DCLRE1A: variants seen among roughly 807,000 people sequenced by gnomAD.
DCLRE1A encodes DNA cross-link repair 1A.
DCLRE1A carries 64 observed loss-of-function variants against 91.9 expected under a neutral mutation model. That is an observed-to-expected ratio of 0.70 (90% CI 0.57 to 0.86). DCLRE1A has a LOEUF of 0.86. DCLRE1A is among the 40% of genes least tolerant of loss of function. The probability of loss-of-function intolerance (pLI) is 0.00; values close to 1 mark genes in which losing one functional copy is unlikely to be tolerated. For missense variants in DCLRE1A, 1,145 were observed against 1,213.3 expected (o/e 0.94, Z 0.84); for synonymous variants, 416 against 431.1 (o/e 0.96, Z 0.43).
At chr10:113,838,289 A>G (rs1360462952) in intron 7 of DCLRE1A, among the ~76,000 whole-genome samples, 1 of 152,228 alleles carries the variant, frequency 6.6e-6, no homozygotes, top group African/African-American at 2.4e-5. Flanking sequence ...CCTCACAAAG[A>G]AAGAAAATAA....
In DCLRE1A at chr10:113,849,545, A is replaced by C; in HGVS notation, c.1560T>G (p.Ile520Met). The C allele has an allele frequency of 6.2e-7, 1 of 1,613,748 alleles. No homozygotes were observed. Among genetic ancestry groups the C allele is most frequent in the South Asian group, 1.1e-5 (1 of 91,076 alleles). The change falls in exon 2 of 9, where the codon ATT becomes ATG. Residue 520 changes from isoleucine to methionine, a missense_variant. Physicochemically the swap from Ile to Met is conservative, Grantham distance 10 (BLOSUM62 1). Coordinates refer to ENST00000361384, the MANE Select transcript of DCLRE1A (RefSeq NM_014881.5). ...LEGVPVGKAT[I>M]LNTENLSSTP... ...TACTAGACAAGTTTTCTGTATTTAA[A>C]ATTGTAGCTTTACCAACTGGCACAC...
intron 3 of DCLRE1A, 86 bp from the exon 4 acceptor site, chr10:113,845,889 T>A: frequency 9.2e-7 from 1 of 1,090,678 alleles, no homozygotes; most frequent in Non-Finnish European, 1.4e-6. Context: ...AGCATCTTAA[T>A]AACATCCATT....
chr10:113,847,808 C>T (rs921819628), intron 2 of DCLRE1A, among the ~76,000 whole-genome samples: 2 of 150,464 alleles, frequency 1.3e-5, no homozygotes, highest in South Asian at 4.2e-4. Context: ...GCTGCACAGT[C>T]GAACTAGAGG....
intron 8 of DCLRE1A, among the ~76,000 whole-genome samples, chr10:113,835,952 T>A (rs1041449444): frequency 2.6e-4 from 39 of 152,152 alleles, no homozygotes; most frequent in African/African-American, 6.0e-4. Context: ...TAAAAAAAAA[T>A]AATAAGATAG....
rs146371309 is a variant in DCLRE1A at position 113,846,013 on chromosome 10, C to G, written c.2260-210G>C. On this transcript the variant is annotated intron_variant, in intron 3 of 8. Transcript: ENST00000361384. ...TGACTTCGCCTCATCTGTGAAGAGT[C>G]CATCCTTCCCACCATGACATACAAA... is the stretch of plus-strand genomic sequence containing the variant. 3.2e-4 allele frequency among the ~76,000 whole-genome samples: 49 copies of G among 152,252 alleles called. No homozygotes were observed. In the East Asian group the frequency reaches 6.4e-3, roughly 20 times the overall value.
intron 3 of DCLRE1A, among the ~76,000 whole-genome samples, chr10:113,846,138 T>C (rs1347354277): frequency 6.6e-6 from 1 of 152,180 alleles, no homozygotes; most frequent in Non-Finnish European, 1.5e-5. Flanking sequence ...GTGCCTGGAA[T>C]GGGCATATTT....
At position 113,845,733 on chromosome 10, in the gene DCLRE1A, G is replaced by C. The variant is rs1181857301; in HGVS notation, c.2330C>G (p.Thr777Ser). The change falls in exon 4 of 9, where the codon ACT becomes AGT. Residue 777 changes from threonine to serine, a missense_variant. Thr to Ser is a moderately conservative substitution (Grantham distance 58). Transcript: ENST00000361384. ...EQYIHPLPLD[T>S]ECIVNGVKVV... ...TTTGACACCATTCACAATACATTCA[G>C]TGTCCAGTGGCAATGGGTGAATATA... 1 of 1,614,024 alleles carries C rather than the reference G, an allele frequency of 6.2e-7. No homozygotes were observed. The highest frequency in any genetic ancestry group is 8.5e-7 in the Non-Finnish European group (1 of 1,180,016).
Position 113,852,767 on chromosome 10 carries a change from C to T in DCLRE1A, c.416G>A (p.Trp139Ter). 1.2e-6 allele frequency: 2 copies of T among 1,614,194 alleles called. No individual in the cohort carries two copies. The highest frequency in any genetic ancestry group is 1.7e-6 in the Non-Finnish European group (2 of 1,180,026). ...FSSLIGQTPR[W>*]HVFECLDSPP... ...AGAATCCAAACATTCAAAAACATGC[C>T]ATCGAGGTGTCTGCCCTATCAATGA... is the stretch of plus-strand genomic sequence containing the variant. The change falls in exon 1 of 9, where the codon TGG becomes TAG. Residue 139 changes from tryptophan to a stop codon, truncating the protein, a stop_gained. Coordinates refer to ENST00000361384, the MANE Select transcript of DCLRE1A (RefSeq NM_014881.5). LOFTEE classifies it high-confidence loss of function.
Position 113,841,520 on chromosome 10 carries a change from C to G in DCLRE1A, c.2706G>C (p.Gln902His). Residue 902 changes from glutamine to histidine, a missense_variant, in exon 7 of 9, where the codon CAG becomes CAC. Gln to His is a conservative substitution (Grantham distance 24). Transcript: ENST00000361384. ...DVLGSKVGMS[Q>H]EKYKTLQCLN... is the part of the protein sequence containing the mutation. ...GGCACTGTAGAGTTTTATATTTTTC[C>G]TGGGACATGCCCACTTTTGAACCTA... 6.2e-7 allele frequency: 1 copy of G among 1,611,956 alleles called. No individual in the cohort carries two copies.
rs942448669 is a variant in DCLRE1A at position 113,853,308 on chromosome 10, C to A, written c.-126G>T. ...AAAAACAAAGGTAACAAAACCCCCA[C>A]CAACTCAATGGGAATCTGCAGTGTT... On this transcript the variant is annotated 5_prime_UTR_variant, in exon 1 of 9. Transcript: ENST00000361384. 3.3e-6 allele frequency: 3 copies of A among 903,808 alleles called. No individual in the cohort carries two copies. Among genetic ancestry groups the A allele is most frequent in the Non-Finnish European group, 4.8e-6 (3 of 622,128 alleles). The allele number at this position is 903,808 out of a possible 1,614,324, so 56.0% of individuals were successfully genotyped here.
At chr10:113,844,859 C>T (rs1845505121) in intron 4 of DCLRE1A, among the ~76,000 whole-genome samples, 1 of 151,846 alleles carries the variant, frequency 6.6e-6, no homozygotes, top group South Asian at 2.1e-4. Flanking sequence ...TCACTTGAAC[C>T]CGGGAGGCAG....
At chr10:113,836,187 T>C (rs1845360237) in intron 8 of DCLRE1A, among the ~76,000 whole-genome samples, 1 of 152,178 alleles carries the variant, frequency 6.6e-6, no homozygotes, top group South Asian at 2.1e-4. Context: ...CAGTTTTAGA[T>C]AGTTCTTTAA....
rs777105243 is a variant in DCLRE1A at position 113,849,034 on chromosome 10, A to G, written c.2071T>C (p.Ser691Pro). Residue 691 changes from serine (S) to proline (P), a missense_variant, in exon 2 of 9, where the codon TCT becomes CCT. Physicochemically the swap from Ser to Pro is moderately conservative, Grantham distance 74. Transcript: ENST00000361384. ...QRGNKKIPESSNVGGSRKKTC... is the reference protein window; with the variant it reads ...QRGNKKIPESPNVGGSRKKTC... ...TTTTTTCTTGATCCTCCTACATTAG[A>G]TGACTCTGGGATTTTCTTGTTGCCC... The G allele has an allele frequency of 4.3e-6, 7 of 1,614,084 alleles. No homozygotes were observed. The highest frequency in any genetic ancestry group is 1.1e-5 in the South Asian group (1 of 91,078).
rs768440076 is a variant in DCLRE1A, at chr10:113,849,453, G to A, written c.1652C>T (p.Thr551Ile). The part of the protein sequence containing the change: ...GLKYNARHPS[T>I]KVMKQMDIGV... Reference sequence around the variant, plus strand: ...TATATCCATTTGCTTCATTACCTTGGTAGAAGGATGTCTTGCATTATACTT... The same window carrying A: ...TATATCCATTTGCTTCATTACCTTGATAGAAGGATGTCTTGCATTATACTT... Residue 551 changes from threonine to isoleucine, a missense_variant, in exon 2 of 9, where the codon ACC (threonine) becomes ATC (isoleucine). Physicochemically the swap from Thr to Ile is moderately conservative, Grantham distance 89. Transcript: ENST00000361384. The A allele has an allele frequency of 2.5e-6, 4 of 1,614,054 alleles. No homozygotes were observed. The highest frequency in any genetic ancestry group is 3.4e-6 in the Non-Finnish European group (4 of 1,180,010).
At chr10:113,838,337 C>T (rs1012022125) in intron 7 of DCLRE1A, among the ~76,000 whole-genome samples, 8 of 152,154 alleles carry the variant, frequency 5.3e-5, no homozygotes, top group Admixed American at 2.0e-4. Context: ...ACATATAATA[C>T]ATAAACTGAG....
At chr10:113,846,896 C>A (rs1008958691) in intron 3 of DCLRE1A, among the ~76,000 whole-genome samples, 6 of 152,240 alleles carry the variant, frequency 3.9e-5, no homozygotes, top group African/African-American at 1.4e-4. Context: ...ATACAGCAGG[C>A]TGACTGTATT....
At chr10:113,843,027 C>T (rs1296505605) in intron 5 of DCLRE1A, among the ~76,000 whole-genome samples, 92 of 5,296 alleles carry the variant, frequency 0.017, no homozygotes, top group Admixed American at 0.04. Flanking sequence ...CATGTGTACA[C>T]ACACACACAC....
intron 7 of DCLRE1A, among the ~76,000 whole-genome samples, chr10:113,840,901 G>A (rs1158518293): frequency 2.6e-5 from 4 of 152,122 alleles, no homozygotes; most frequent in East Asian, 1.9e-4. Context: ...CATATCATAC[G>A]TCTTAACTTA....
At chr10:113,837,341 G>A (rs140394308) in intron 7 of DCLRE1A, 138 bp from the exon 8 acceptor site, 36 of 602,618 alleles carry the variant, frequency 6.0e-5, no homozygotes, top group African/African-American at 5.9e-4. Context: ...CTAGTGCTAT[G>A]CTTCTAAAAA....
Sources: gnomAD v4.1 joint callset for allele counts (sites outside exome capture counted in the v4.1 genomes callset) on GRCh38, gnomAD v4.1.1 for gene constraint, MANE v1.5 for transcripts, NCBI Gene and HGNC (gene_info 2026-07-23, HGNC 2026-07-21) for gene names.